The following COA1 variants were observed in gnomAD, a reference collection of about 807,000 sequenced individuals.
The protein encoded by COA1 is cytochrome c oxidase assembly factor 1 homolog.
A neutral mutation model predicts 16.0 loss-of-function variants in COA1; 13 were observed. That is an observed-to-expected ratio of 0.81 (90% CI 0.53 to 1.29). COA1 has a LOEUF of 1.29. Among genes scored for constraint, COA1 ranks in the 50% most tolerant of loss-of-function variants. COA1 has a pLI of 0.00. For missense variants in COA1, 179 were observed against 177.0 expected (o/e 1.01, Z -0.06); for synonymous variants, 65 against 65.7 (o/e 0.99, Z 0.05).
At chr7:43,677,421 G>C (rs960119352) in intron 1 of COA1, among the ~76,000 whole-genome samples, 1 of 152,154 alleles carries the variant, frequency 6.6e-6, no homozygotes, top group Admixed American at 6.5e-5. Context: ...AGTAAGTTTT[G>C]GGATAATAAA....
chr7:43,674,015 G>A (rs1254306457), intron 1 of COA1, among the ~76,000 whole-genome samples: 1 of 152,064 alleles, frequency 6.6e-6, no homozygotes, highest in Non-Finnish European at 1.5e-5. Context: ...AGGGAGGGAG[G>A]AAGGTAAGGA....
At chr7:43,628,813 T>C (rs999302281) in intron 6 of COA1, among the ~76,000 whole-genome samples, 1 of 152,214 alleles carries the variant, frequency 6.6e-6, no homozygotes, top group Non-Finnish European at 1.5e-5. Flanking sequence ...TCCCACTCTA[T>C]AGCTTGCCTG....
intron 1 of COA1, among the ~76,000 whole-genome samples, chr7:43,662,180 G>A (rs1274996629): frequency 6.6e-6 from 1 of 152,186 alleles, no homozygotes; most frequent in Non-Finnish European, 1.5e-5. Flanking sequence ...CTATGAACAT[G>A]CTCCTCCCTT....
chr7:43,622,410 G>A lies in COA1; in HGVS notation c.*134-12915C>T, dbSNP rs115812311. 21 of 151,906 alleles carry A rather than the reference G, an allele frequency of 1.4e-4. No homozygotes were observed. The South Asian group carries it at 2.5e-3, about 18-fold the overall frequency. 9.4% of individuals were successfully genotyped at this position (151,906 alleles called of 1,614,324 possible). ...GTAGATACATGACCTTGAGTATTTCGTTTTTTCATAGAAATAGAACATTTT... is the reference window on the plus strand; with the variant it reads ...GTAGATACATGACCTTGAGTATTTCATTTTTTCATAGAAATAGAACATTTT... On this transcript the variant is annotated intron_variant and NMD_transcript_variant, in intron 6 of 6. Coordinates refer to the COA1 transcript ENST00000415076.
chr7:43,647,627 C>G lies in COA1; in HGVS notation c.23G>C (p.Gly8Ala). 1 of 1,610,700 alleles carries G rather than the reference C, an allele frequency of 6.2e-7. No homozygotes were observed. Among genetic ancestry groups the G allele is most frequent in the Non-Finnish European group, 8.5e-7 (1 of 1,177,772 alleles). MMWQKYA[G>A]SRRSMPLGAR... The stretch of plus-strand genomic sequence containing the variant: ...TCCCAGAGGCATTGACCGCCTGCTT[C>G]CTGCATACTTAAAAACAAAAGATAC... Residue 8 changes from glycine to alanine, a missense_variant, in exon 3 of 6, where the codon GGA becomes GCA. Coordinates refer to ENST00000223336, the MANE Select transcript of COA1 (RefSeq NM_018224.4).
At chr7:43,691,072 A>C (rs10244892) in intron 1 of COA1, among the ~76,000 whole-genome samples, 19,699 of 105,420 alleles carry the variant, frequency 0.19, 1,101 homozygotes, top group Admixed American at 0.29. Context: ...AAAAAAAAAA[A>C]AAAAACAAAA....
At chr7:43,669,480 G>C (rs1041798800) in intron 1 of COA1, among the ~76,000 whole-genome samples, 6 of 151,582 alleles carry the variant, frequency 4.0e-5, no homozygotes, top group African/African-American at 9.7e-5. Flanking sequence ...TATGTGTAGA[G>C]CATCATGGCA....
At chr7:43,654,095 C>T (rs752336463) in intron 1 of COA1, among the ~76,000 whole-genome samples, 36 of 152,140 alleles carry the variant, frequency 2.4e-4, no homozygotes, top group Non-Finnish European at 4.7e-4. Flanking sequence ...GACAAATGAA[C>T]CCTGGCAGAG....
intron 1 of COA1, among the ~76,000 whole-genome samples, chr7:43,664,242 A>G (rs1158919761): frequency 6.6e-6 from 1 of 152,038 alleles, no homozygotes; most frequent in Non-Finnish European, 1.5e-5. Context: ...CAGTCTTCCA[A>G]GTGGCTGGGA....
At chr7:43,638,980 T>C (rs1423698907), downstream of COA1, 1 of 152,324 alleles carries the variant, frequency 6.6e-6, no homozygotes, top group African/African-American at 2.4e-5. Context: ...AAAACAATTA[T>C]TTTGCAAATC....
At chr7:43,627,831 C>T (rs2153033343) in intron 6 of COA1, among the ~76,000 whole-genome samples, 1 of 152,324 alleles carries the variant, frequency 6.6e-6, no homozygotes, top group African/African-American at 2.4e-5. Flanking sequence ...TTTAACCACA[C>T]TCCTGTTCTG....
At chr7:43,652,836 T>A (rs1563262842) in intron 1 of COA1, among the ~76,000 whole-genome samples, 1 of 111,770 alleles carries the variant, frequency 8.9e-6, no homozygotes, top group African/African-American at 3.5e-5. Context: ...TTACATATCA[T>A]CCAGCCTTTA....
At chr7:43,672,915 G>A (rs2093342983) in intron 1 of COA1, among the ~76,000 whole-genome samples, 1 of 152,114 alleles carries the variant, frequency 6.6e-6, no homozygotes, top group South Asian at 2.1e-4. Flanking sequence ...AAAGAATGGG[G>A]AAAGGACTCC....
intron 6 of COA1, among the ~76,000 whole-genome samples, chr7:43,627,251 T>C (rs2084659227): frequency 6.6e-6 from 1 of 152,214 alleles, no homozygotes; most frequent in Non-Finnish European, 1.5e-5. Flanking sequence ...AAATGAAAAC[T>C]AGGAGGTAAT....
chr7:43,668,046 G>A lies in COA1; in HGVS notation c.-38-19394C>T, dbSNP rs536370453. 3.3e-5 allele frequency among the ~76,000 whole-genome samples: 5 copies of A among 152,272 alleles called. No homozygotes were observed. In the East Asian group the frequency reaches 9.6e-4, roughly 29 times the overall value. ...TTTCTTTGTCGACAGGACACAATTG[G>A]TAAAACTGGTTATTTTACCAAGGCT... On this transcript the variant is annotated intron_variant, in intron 1 of 5. Coordinates refer to ENST00000223336, the MANE Select transcript of COA1 (RefSeq NM_018224.4).
At chr7:43,645,212 G>C (rs191251852) in intron 4 of COA1, 39 bp downstream of exon 4, 1 of 1,605,460 alleles carries the variant, frequency 6.2e-7, no homozygotes, top group Admixed American at 1.7e-5. Flanking sequence ...CTCTCCTTCA[G>C]CAGGCACCAG....
intron 1 of COA1, among the ~76,000 whole-genome samples, chr7:43,726,430 G>A (rs2095618607): frequency 6.6e-6 from 1 of 152,122 alleles, no homozygotes; most frequent in African/African-American, 2.4e-5. Context: ...AAACAATATA[G>A]TAAAAAATAT....
chr7:43,653,602 A>T (rs997635084), intron 1 of COA1, among the ~76,000 whole-genome samples: 3 of 152,200 alleles, frequency 2.0e-5, no homozygotes, highest in East Asian at 1.9e-4. Flanking sequence ...GCTTACCGTA[A>T]CCCTTTATTC....
intron 1 of COA1, among the ~76,000 whole-genome samples, chr7:43,712,437 T>C (rs1442184256): frequency 6.6e-6 from 1 of 152,174 alleles, no homozygotes; most frequent in Admixed American, 6.5e-5. Context: ...GAAGGCGGCA[T>C]TGCTTCACTG....
Sources: gnomAD v4.1 joint callset for allele counts (sites outside exome capture counted in the v4.1 genomes callset) on GRCh38, gnomAD v4.1.1 for gene constraint, MANE v1.5 for transcripts, NCBI Gene and HGNC (gene_info 2026-07-23, HGNC 2026-07-21) for gene names.